The following ULK4 variants were observed in gnomAD, a reference collection of about 807,000 sequenced individuals.
ULK4 encodes unc-51 like kinase 4.
A neutral mutation model predicts 160.6 loss-of-function variants in ULK4; 133 were observed. The observed-to-expected ratio is 0.83, with a 90% CI of 0.72 to 0.96. ULK4 has a LOEUF of 0.96. Among genes scored for constraint, ULK4 ranks in the 40% least tolerant of loss-of-function variants. ULK4 has a pLI of 0.00. For missense variants in ULK4, 1,580 were observed against 1,499.5 expected, an observed-to-expected ratio of 1.05 and a Z score of -0.89; for synonymous variants, 534 against 539.8, an observed-to-expected ratio of 0.99 and a Z score of 0.15.
At chr3:41,673,685 T>TATAC (rs1034197068) in intron 29 of ULK4, among the ~76,000 whole-genome samples, 6 of 147,768 alleles carry the variant, frequency 4.1e-5, no homozygotes, top group East Asian at 2.0e-4. Flanking sequence ...TATATATATA[T>TATAC]ATACATACAT....
At chr3:41,802,162 A>C (rs1268225890) in intron 19 of ULK4, among the ~76,000 whole-genome samples, 1 of 152,222 alleles carries the variant, frequency 6.6e-6, no homozygotes, top group Non-Finnish European at 1.5e-5. Flanking sequence ...AAAGGAAATT[A>C]TTCATGCAGA....
chr3:41,379,440 T>C (rs2081597619), intron 35 of ULK4, among the ~76,000 whole-genome samples: 1 of 152,166 alleles, frequency 6.6e-6, no homozygotes, highest in Non-Finnish European at 1.5e-5. Flanking sequence ...GAGAAATAAT[T>C]CTCAGGAACA....
intron 22 of ULK4, among the ~76,000 whole-genome samples, chr3:41,721,361 TA>T (rs1418332778): frequency 0.041 from 2,128 of 52,410 alleles, 29 homozygotes; most frequent in Non-Finnish European, 0.053. Context: ...TATATATATA[TA>T]TTTTTTTTTT....
chr3:41,546,832 A>G (rs1055964104), intron 32 of ULK4, among the ~76,000 whole-genome samples: 1 of 150,280 alleles, frequency 6.7e-6, no homozygotes, highest in African/African-American at 2.5e-5. Flanking sequence ...GTTTCACTCC[A>G]CTCAAGGACC....
Position 41,382,904 on chromosome 3 carries a change from ATT to A in ULK4, c.3678+15173_3678+15174del, listed in dbSNP as rs374984805. Among the ~76,000 whole-genome samples the A allele has an allele frequency of 1.9e-4, 29 of 152,212 alleles. No individual in the cohort carries two copies. The East Asian group carries it at 4.8e-3, about 25-fold the overall frequency. On this transcript the variant is annotated intron_variant, in intron 35 of 36. Coordinates refer to ENST00000301831, the MANE Select transcript of ULK4 (RefSeq NM_017886.4). ...ATATTCCTATGAACATAATGTGGAT[ATT>A]TGTTATTGTTTATTTCAATTAATGG...
At chr3:41,379,843 T>C (rs1470145982) in intron 35 of ULK4, among the ~76,000 whole-genome samples, 3 of 152,202 alleles carry the variant, frequency 2.0e-5, no homozygotes, top group African/African-American at 7.2e-5. Flanking sequence ...TGTGGGATCA[T>C]AGGTTTGCTA....
chr3:41,452,424 C>T (rs2125868158), intron 34 of ULK4, among the ~76,000 whole-genome samples: 1 of 152,218 alleles, frequency 6.6e-6, no homozygotes, highest in Non-Finnish European at 1.5e-5. Context: ...ACTCTCTTTC[C>T]ACTGAGAGTT....
intron 32 of ULK4, among the ~76,000 whole-genome samples, chr3:41,475,919 G>A (rs558319850): frequency 6.6e-6 from 1 of 151,622 alleles, no homozygotes; most frequent in Non-Finnish European, 1.5e-5. Flanking sequence ...GAAGGAGTGA[G>A]GGAAGGAGCG....
At chr3:41,651,944 C>A (rs1308105882) in intron 30 of ULK4, among the ~76,000 whole-genome samples, 1 of 152,116 alleles carries the variant, frequency 6.6e-6, no homozygotes, top group Non-Finnish European at 1.5e-5. Context: ...TCTCTGCTAA[C>A]CCCTCCTTGA....
At position 41,415,413 on chromosome 3, in the gene ULK4, C is replaced by A. The variant is rs79972182; in HGVS notation, c.3493-17149G>T. Among the ~76,000 whole-genome samples, 3 of 152,106 alleles carry A rather than the reference C, an allele frequency of 2.0e-5. No homozygotes were observed. The East Asian group carries it at 5.8e-4, about 29-fold the overall frequency. ...TCCTACAATCTTGTGCCCCTACAAA[C>A]CTGTGCCCCTACAATCCATTTTCCC... On this transcript the variant is annotated intron_variant, in intron 34 of 36. Transcript: ENST00000301831.
At position 41,789,809 on chromosome 3, in the gene ULK4, G is replaced by A; in HGVS notation, c.2045C>T (p.Ala682Val). 1.5e-5 allele frequency: 24 copies of A among 1,612,718 alleles called. No individual in the cohort carries two copies. Among genetic ancestry groups the A allele is most frequent in the Non-Finnish European group, 2.0e-5 (24 of 1,179,470 alleles). Residue 682 changes from alanine to valine, a missense_variant, in exon 21 of 37, where the codon GCC becomes GTC. Transcript: ENST00000301831. ...CACCTTTTCAATAACATTCTGGAAG[G>A]CAGTAGGAGAATGGCGAGTGATTCT... is the stretch of plus-strand genomic sequence containing the variant. ...LCRITRHSPT[A>V]FQNVIEKVGL...
chr3:41,506,873 A>C (rs537379858), intron 32 of ULK4, among the ~76,000 whole-genome samples: 14 of 145,304 alleles, frequency 9.6e-5, no homozygotes, highest in African/African-American at 3.0e-4. Context: ...CACCGGACAC[A>C]TGCACCCTCC....
chr3:41,829,920 G>C, intron 18 of ULK4, among the ~76,000 whole-genome samples: 1 of 151,564 alleles, frequency 6.6e-6, no homozygotes, highest in East Asian at 1.9e-4. Context: ...TGATAGACTG[G>C]ATTAAGAAAA....
intron 35 of ULK4, among the ~76,000 whole-genome samples, chr3:41,265,963 C>G (rs945002004): frequency 6.6e-6 from 1 of 152,146 alleles, no homozygotes; most frequent in Non-Finnish European, 1.5e-5. Flanking sequence ...CCACACACCC[C>G]CTGCTCTGGG....
chr3:41,577,192 A>T (rs2088219617), intron 31 of ULK4, among the ~76,000 whole-genome samples: 1 of 152,190 alleles, frequency 6.6e-6, no homozygotes, highest in Non-Finnish European at 1.5e-5. Context: ...AATGTGGTAG[A>T]GCAGAAAAAA....
intron 34 of ULK4, among the ~76,000 whole-genome samples, chr3:41,437,130 C>G (rs1228510783): frequency 6.6e-6 from 1 of 152,134 alleles, no homozygotes; most frequent in East Asian, 1.9e-4. Flanking sequence ...CTCAACAGAA[C>G]AGTATTCTGA....
intron 12 of ULK4, among the ~76,000 whole-genome samples, chr3:41,902,655 A>G (rs1698417570): frequency 6.6e-6 from 1 of 151,218 alleles, no homozygotes. Flanking sequence ...ATCTAAGTTT[A>G]AGAACATGGA....
intron 35 of ULK4, among the ~76,000 whole-genome samples, chr3:41,386,607 C>G (rs1362729777): frequency 6.6e-6 from 1 of 152,144 alleles, no homozygotes; most frequent in Non-Finnish European, 1.5e-5. Flanking sequence ...CATTTGTGGT[C>G]CATAAATCTA....
At chr3:41,587,046 G>A (rs1490736142) in intron 31 of ULK4, among the ~76,000 whole-genome samples, 1 of 152,130 alleles carries the variant, frequency 6.6e-6, no homozygotes, top group Non-Finnish European at 1.5e-5. Flanking sequence ...CAAAGTGTCA[G>A]CTAGGCAGCA....
Sources: gnomAD v4.1 joint callset for allele counts (sites outside exome capture counted in the v4.1 genomes callset) on GRCh38, gnomAD v4.1.1 for gene constraint, MANE v1.5 for transcripts, NCBI Gene and HGNC (gene_info 2026-07-23, HGNC 2026-07-21) for gene names.